The following CYP3A5 variants were observed in gnomAD, a reference collection of about 807,000 sequenced individuals.
CYP3A5 encodes cytochrome P450 family 3 subfamily A member 5.
In CYP3A5, 51 loss-of-function variants were observed where a neutral mutation model predicts 55.9. The observed-to-expected ratio is 0.91, with a 90% CI of 0.73 to 1.15. The LOEUF is 1.15. Among genes scored for constraint, CYP3A5 ranks in the 50% most tolerant of loss-of-function variants. The pLI is 0.00. For synonymous variants in CYP3A5, 196 were observed against 213.9 expected, an observed-to-expected ratio of 0.92 and a Z score of 0.73; for missense variants, 533 against 596.6, an observed-to-expected ratio of 0.89 and a Z score of 1.11.
intron 4 of CYP3A5, chr7:99,670,901 G>A (rs1811542592): frequency 6.6e-6 from 1 of 152,090 alleles, no homozygotes; most frequent in Non-Finnish European, 1.5e-5. Context: ...CTAGTTTTAT[G>A]TTGTTCTCTT....
chr7:99,676,718 T>C, intron 1 of CYP3A5: 2 of 486,530 alleles, frequency 4.1e-6, no homozygotes. Flanking sequence ...TTTATGCTTT[T>C]TCTTCCCTCT....
intron 4 of CYP3A5, chr7:99,671,194 T>A (rs1811588549): frequency 1.3e-5 from 2 of 155,336 alleles, no homozygotes; most frequent in Admixed American, 1.3e-4. Flanking sequence ...ACACTTCTTC[T>A]TCCACTGTGG....
Position 99,674,582 on chromosome 7 carries a change from G to C in CYP3A5, c.169C>G (p.Leu57Val). 6.2e-7 allele frequency: 1 copy of C among 1,612,896 alleles called. No individual in the cohort carries two copies. The highest frequency in any genetic ancestry group is 1.1e-5 in the South Asian group (1 of 90,954). ...LGNVLSYRQG[L>V]WKFDTECYKK... is the part of the protein sequence containing the mutation. ...TAGCACTCTGTGTCAAATTTCCAGA[G>C]ACCCTGGGAGAGGAAACAAAATACA... The change falls in exon 3 of 13, where the codon CTC (leucine) becomes GTC (valine). Residue 57 changes from leucine (L) to valine (V), a missense_variant. Leu to Val is a conservative substitution (Grantham distance 32). Transcript: ENST00000222982.
At chr7:99,667,861 G>A (rs1811194683) in intron 4 of CYP3A5, among the ~76,000 whole-genome samples, 2 of 152,072 alleles carry the variant, frequency 1.3e-5, no homozygotes, top group South Asian at 4.1e-4. Context: ...GGACTGAATG[G>A]TTTTTCCAAG....
intron 2 of CYP3A5, 83 bp from the exon 3 acceptor site, chr7:99,674,668 G>A (rs1231354802): frequency 2.1e-5 from 25 of 1,187,708 alleles, no homozygotes; most frequent in South Asian, 2.7e-5. Context: ...AAACAGTTGC[G>A]TCCAATGAAA....
Position 99,660,570 on chromosome 7 carries a change from A to G in CYP3A5, c.955T>C (p.Tyr319His), listed in dbSNP as rs1216936214. 1 of 1,613,900 alleles carries G rather than the reference A, an allele frequency of 6.2e-7. No individual in the cohort carries two copies. The highest frequency in any genetic ancestry group is 8.5e-7 in the Non-Finnish European group (1 of 1,179,970). ...TTSSVLSFTL[Y>H]ELATHPDVQQ... is the part of the protein sequence containing the mutation. Reference sequence around the variant, plus strand: ...ACATCAGGGTGAGTGGCCAGTTCATATAAAGTGAAGGAAAGAACACTGCTG... The same window carrying G: ...ACATCAGGGTGAGTGGCCAGTTCATGTAAAGTGAAGGAAAGAACACTGCTG... Residue 319 changes from tyrosine to histidine, a missense_variant, in exon 10 of 13, where the codon TAT (tyrosine) becomes CAT (histidine). Physicochemically the swap from Tyr to His is moderately conservative, Grantham distance 83. Transcript: ENST00000222982.
chr7:99,664,847 A>G (rs1810822597), intron 7 of CYP3A5, among the ~76,000 whole-genome samples: 1 of 152,230 alleles, frequency 6.6e-6, no homozygotes, highest in Non-Finnish European at 1.5e-5. Flanking sequence ...TGAAATAGAG[A>G]ATAAAAAACA....
chr7:99,679,206 G>A (rs1812586448), intron 1 of CYP3A5, among the ~76,000 whole-genome samples: 1 of 151,832 alleles, frequency 6.6e-6, no homozygotes, highest in South Asian at 2.1e-4. Flanking sequence ...CAGGGTGGAG[G>A]AGTGACTCAT....
At chr7:99,650,315 A>G (rs546020626) in intron 11 of CYP3A5, 83 bp from the exon 12 acceptor site, 22 of 1,243,250 alleles carry the variant, frequency 1.8e-5, no homozygotes, top group Non-Finnish European at 2.5e-5. Flanking sequence ...CTTAAGAACA[A>G]CCCCCCTCCA....
intron 1 of CYP3A5, among the ~76,000 whole-genome samples, chr7:99,679,077 C>G (rs183849961): frequency 3.4e-4 from 52 of 152,310 alleles, no homozygotes; most frequent in Admixed American, 2.4e-3. Flanking sequence ...CTATATTAAT[C>G]CTAGCCTCCC....
At chr7:99,661,634 G>A (rs951464359) in intron 9 of CYP3A5, among the ~76,000 whole-genome samples, 1 of 152,196 alleles carries the variant, frequency 6.6e-6, no homozygotes. Context: ...AAATAAATAT[G>A]GTGCCTGCAG....
Position 99,662,853 on chromosome 7 carries a change from AATC to A in CYP3A5, c.825_827del (p.Met275del). On this transcript the variant is annotated inframe_deletion, in exon 9 of 13. Transcript: ENST00000222982. The surrounding 1 kb of genome is among the most constrained non-coding windows in gnomAD (Gnocchi z 4.3). ...CAGTTTCTTTCGAATTCTGGGAGTC[AATC>A]ATCAGCTGAAGGAAATCTAGTCGGT... The A allele has an allele frequency of 6.2e-7, 1 of 1,614,000 alleles. No individual in the cohort carries two copies. Among genetic ancestry groups the A allele is most frequent in the Non-Finnish European group, 8.5e-7 (1 of 1,179,900 alleles).
intron 10 of CYP3A5, among the ~76,000 whole-genome samples, chr7:99,655,062 T>C (rs1809570803): frequency 6.6e-6 from 1 of 152,264 alleles, no homozygotes; most frequent in South Asian, 2.1e-4. Context: ...TCTTTTGCTG[T>C]GCAGAAGCTC....
At chr7:99,678,103 T>A (rs41300737) in intron 1 of CYP3A5, among the ~76,000 whole-genome samples, 2,577 of 152,358 alleles carry the variant, frequency 0.017, 82 homozygotes, top group African/African-American at 0.057. Context: ...CTGCATTTTC[T>A]GACTCCTGGG....
In CYP3A5 at chr7:99,650,146, G is replaced by T; in HGVS notation, c.1340C>A (p.Ala447Asp). The part of the protein sequence containing the change: ...GPRNCIGMRF[A>D]LMNMKLALIR... ...TAGAGCAAGTTTCATGTTCATGAGAGCAAACCTCATGCCAATGCAGTTTCT... is the reference window on the plus strand; with the variant it reads ...TAGAGCAAGTTTCATGTTCATGAGATCAAACCTCATGCCAATGCAGTTTCT... The change falls in exon 12 of 13, where the codon GCT becomes GAT. Residue 447 changes from alanine to aspartate, a missense_variant. Transcript: ENST00000222982. 6.2e-7 allele frequency: 1 copy of T among 1,614,136 alleles called. No individual in the cohort carries two copies. The highest frequency in any genetic ancestry group is 8.5e-7 in the Non-Finnish European group (1 of 1,179,976).
At chr7:99,668,702 G>A (rs920485058) in intron 4 of CYP3A5, among the ~76,000 whole-genome samples, 4 of 152,210 alleles carry the variant, frequency 2.6e-5, no homozygotes, top group South Asian at 4.1e-4. Flanking sequence ...GCAGTGCCAC[G>A]TGAAGTGAAT....
At chr7:99,652,397 G>T in intron 11 of CYP3A5, 156 bp downstream of exon 11, 5 of 544,910 alleles carry the variant, frequency 9.2e-6, no homozygotes, top group African/African-American at 3.8e-5. Flanking sequence ...TCTAGTCTGT[G>T]GTTTGTAAAG....
intron 9 of CYP3A5, among the ~76,000 whole-genome samples, chr7:99,661,066 G>C (rs1238518630): frequency 6.6e-6 from 1 of 152,182 alleles, no homozygotes; most frequent in East Asian, 1.9e-4. Flanking sequence ...AATAGAGCTT[G>C]ACAGACTTTG....
Position 99,665,236 on chromosome 7 carries a change from T to C in CYP3A5, c.600A>G (p.Gln200=). 6.2e-7 allele frequency: 1 copy of C among 1,614,172 alleles called. No individual in the cohort carries two copies. The highest frequency in any genetic ancestry group is 1.3e-5 in the African/African-American group (1 of 75,050). The part of the protein sequence containing the change: ...GVNIDSLNNP[Q]DPFVESTKKF... ...TCTTAGTGCTCTCCACAAAGGGGTCTTGTGGATTGTTGAGAGAGTCGATGT... is the reference window on the plus strand; with the variant it reads ...TCTTAGTGCTCTCCACAAAGGGGTCCTGTGGATTGTTGAGAGAGTCGATGT... Residue 200 remains glutamine (Q), a synonymous_variant, in exon 7 of 13, where the codon CAA becomes CAG. Transcript: ENST00000222982.
Sources: allele counts gnomAD v4.1 joint callset (sites outside exome capture counted in the v4.1 genomes callset), GRCh38; gene constraint gnomAD v4.1.1; non-coding constraint Gnocchi (gnomAD v3.1); transcripts MANE v1.5; gene names NCBI Gene and HGNC (gene_info 2026-07-23, HGNC 2026-07-21).